The following ST7L variants were observed in gnomAD, a reference collection of about 807,000 sequenced individuals.
ST7L encodes the protein suppression of tumorigenicity 7 like.
A neutral mutation model predicts 72.5 loss-of-function variants in ST7L; 57 were observed. That is an observed-to-expected ratio of 0.79 (90% CI 0.64 to 0.98). The LOEUF (loss-of-function observed/expected upper bound fraction) is 0.98. Ranked by LOEUF, ST7L falls within the 50% of genes least tolerant of loss-of-function variation. ST7L has a pLI of 0.00. For synonymous variants in ST7L, 221 were observed against 240.9 expected (o/e 0.92, Z 0.77); for missense variants, 576 against 672.2 (o/e 0.86, Z 1.58).
chr1:112,533,675 A>C (rs1414602906), intron 14 of ST7L, among the ~76,000 whole-genome samples: 1 of 151,996 alleles, frequency 6.6e-6, no homozygotes, highest in Non-Finnish European at 1.5e-5. Flanking sequence ...TATTTATTTA[A>C]GACAAGGTCT....
upstream of ST7L, chr1:112,619,470 T>C: frequency 1.9e-6 from 1 of 534,772 alleles, no homozygotes; most frequent in African/African-American, 1.9e-5. Flanking sequence ...CTTAAAGCTT[T>C]GGATTCGGCT....
At chr1:112,589,597 C>G (rs534040495) in intron 6 of ST7L, among the ~76,000 whole-genome samples, 1 of 152,314 alleles carries the variant, frequency 6.6e-6, no homozygotes, top group Admixed American at 6.5e-5. Context: ...TCTATATTAT[C>G]TGTCATGTGT....
intron 11 of ST7L, among the ~76,000 whole-genome samples, chr1:112,563,288 A>G (rs1660475152): frequency 6.6e-6 from 1 of 152,166 alleles, no homozygotes; most frequent in Admixed American, 6.6e-5. Flanking sequence ...AAATCAAAAT[A>G]TAGAAATAAA....
chr1:112,576,864 C>A, intron 11 of ST7L, 122 bp downstream of exon 11: 1 of 634,494 alleles, frequency 1.6e-6, no homozygotes, highest in Non-Finnish European at 2.6e-6. Flanking sequence ...TAATAAGCAT[C>A]AAAATATAGC....
the ST7L span, chr1:112,517,833 G>A: frequency 2.4e-4 from 38 of 156,154 alleles, 1 homozygote; most frequent in Non-Finnish European, 5.7e-5. Context: ...ATTTGAAAAT[G>A]TAGGGAAAAA....
intron 2 of ST7L, among the ~76,000 whole-genome samples, chr1:112,616,339 G>T (rs1669864551): frequency 6.6e-6 from 1 of 152,168 alleles, no homozygotes; most frequent in Non-Finnish European, 1.5e-5. Context: ...TAGATTGGGA[G>T]ATGCAGTGTT....
At chr1:112,547,187 TTCTTTC>T (rs1359459848) in intron 13 of ST7L, among the ~76,000 whole-genome samples, 1 of 149,172 alleles carries the variant, frequency 6.7e-6, no homozygotes, top group Non-Finnish European at 1.5e-5. Context: ...AGAGCTTTCT[TTCTTTC>T]TTTTTTTTTT....
At chr1:112,550,138 T>C (rs1657870838) in intron 13 of ST7L, among the ~76,000 whole-genome samples, 1 of 152,210 alleles carries the variant, frequency 6.6e-6, no homozygotes, top group Non-Finnish European at 1.5e-5. Context: ...TCATGGTATA[T>C]AAGCCTTTCT....
chr1:112,617,713 TCTCTCA>T (rs768489783), intron 1 of ST7L, among the ~76,000 whole-genome samples: 111 of 93,446 alleles, frequency 1.2e-3, no homozygotes, highest in South Asian at 2.6e-3. Flanking sequence ...TGTCTTTCTC[TCTCTCA>T]CACACACACA....
At chr1:112,555,834 G>T in intron 12 of ST7L, 34 bp downstream of exon 12, 1 of 1,443,418 alleles carries the variant, frequency 6.9e-7, no homozygotes, top group South Asian at 1.7e-5. Context: ...AATAGTTAGA[G>T]AGATTAGTGT....
At chr1:112,575,590 G>C (rs1452207278) in intron 11 of ST7L, among the ~76,000 whole-genome samples, 2 of 152,172 alleles carry the variant, frequency 1.3e-5, no homozygotes, top group Non-Finnish European at 2.9e-5. Flanking sequence ...GACAGTGTTG[G>C]ATATGCTGGA....
chr1:112,553,397 T>C (rs1352780759), intron 12 of ST7L, among the ~76,000 whole-genome samples: 3 of 152,304 alleles, frequency 2.0e-5, no homozygotes, highest in East Asian at 1.9e-4. Context: ...TTTATTTACA[T>C]TGTCATTGTC....
chr1:112,596,920 A>C lies in ST7L; in HGVS notation c.622+1051T>G, dbSNP rs2101998457. On this transcript the variant is annotated intron_variant, in intron 5 of 14. Coordinates refer to ENST00000358039, the MANE Select transcript of ST7L (RefSeq NM_017744.5). ...CCAAAGTGCTGGGATTACAGGCGTG[A>C]GCCACCGCGCCCAGCCCATTCATAC... Among the ~76,000 whole-genome samples the C allele has an allele frequency of 1.3e-5, 2 of 152,332 alleles. 1 individual carries two copies. Among genetic ancestry groups the C allele is most frequent in the Middle Eastern group, 6.8e-3 (2 of 294 alleles).
intron 2 of ST7L, among the ~76,000 whole-genome samples, chr1:112,613,034 G>C (rs929868126): frequency 6.6e-6 from 1 of 152,008 alleles, no homozygotes; most frequent in African/African-American, 2.4e-5. Flanking sequence ...TGGGAGGATT[G>C]CTTGAGTTCA....
chr1:112,617,532 A>G (rs1205873214), intron 1 of ST7L, among the ~76,000 whole-genome samples: 2 of 152,112 alleles, frequency 1.3e-5, no homozygotes, highest in Non-Finnish European at 2.9e-5. Context: ...GGCAAATAAA[A>G]TAGACCCAGT....
At chr1:112,584,489 AC>A (rs1664594402) in intron 6 of ST7L, among the ~76,000 whole-genome samples, 1 of 151,212 alleles carries the variant, frequency 6.6e-6, no homozygotes, top group African/African-American at 2.4e-5. Flanking sequence ...TACTGGTCAT[AC>A]CTGCTTTTTT....
rs1397088474 is a variant in ST7L, at chr1:112,614,926, T to G, written c.288+1887A>C. 2.0e-5 allele frequency among the ~76,000 whole-genome samples: 3 copies of G among 152,326 alleles called. No individual in the cohort carries two copies. The East Asian group carries it at 5.8e-4, about 29-fold the overall frequency. The stretch of plus-strand genomic sequence containing the variant: ...ACATCCTAGGGATGTTAACGTGAAT[T>G]ATAAAAAATATTTTATTTTTTTTAA... On this transcript the variant is annotated intron_variant, in intron 2 of 14. Coordinates refer to ENST00000358039, the MANE Select transcript of ST7L (RefSeq NM_017744.5).
In ST7L at chr1:112,598,034, A is replaced by T. The variant is rs775327963; in HGVS notation, c.559T>A (p.Ser187Thr). Reference sequence around the variant, plus strand: ...AAAAAGGTCTGATGGTCCTGAGCTGACAGGTTCATGTCATAGTATGTAAGT... The same window carrying T: ...AAAAAGGTCTGATGGTCCTGAGCTGTCAGGTTCATGTCATAGTATGTAAGT... ...EPLTYYDMNL[S>T]AQDHQTFFTC... Residue 187 changes from serine (S) to threonine (T), a missense_variant, in exon 5 of 15, where the codon TCA becomes ACA. Coordinates refer to ENST00000358039, the MANE Select transcript of ST7L (RefSeq NM_017744.5). 2 of 1,613,862 alleles carry T rather than the reference A, an allele frequency of 1.2e-6. No homozygotes were observed. The highest frequency in any genetic ancestry group is 1.7e-6 in the Non-Finnish European group (2 of 1,179,890).
At chr1:112,584,981 A>G (rs1297066254) in intron 6 of ST7L, among the ~76,000 whole-genome samples, 1 of 152,116 alleles carries the variant, frequency 6.6e-6, no homozygotes, top group Non-Finnish European at 1.5e-5. Flanking sequence ...CCATCCACAC[A>G]TGGACTTATC....
Sources: allele counts gnomAD v4.1 joint callset (sites outside exome capture counted in the v4.1 genomes callset), GRCh38; gene constraint gnomAD v4.1.1; transcripts MANE v1.5; gene names NCBI Gene and HGNC (gene_info 2026-07-23, HGNC 2026-07-21).